The following CPQ variants were observed in gnomAD, a reference collection of about 807,000 sequenced individuals.
CPQ encodes the protein Ser-Met dipeptidase.
In CPQ, 37 loss-of-function variants were observed where a neutral mutation model predicts 45.7. The observed-to-expected ratio is 0.81, with a 90% CI of 0.62 to 1.07. CPQ has a LOEUF of 1.07. Among genes scored for constraint, CPQ ranks in the 50% least tolerant of loss-of-function variants. CPQ has a pLI of 0.00. For synonymous variants in CPQ, 186 were observed against 205.8 expected, an observed-to-expected ratio of 0.90 and a Z score of 0.82; for missense variants, 537 against 572.9, an observed-to-expected ratio of 0.94 and a Z score of 0.64.
At chr8:96,719,426 G>A (rs765806928) in intron 1 of CPQ, among the ~76,000 whole-genome samples, 15 of 152,318 alleles carry the variant, frequency 9.8e-5, no homozygotes, top group East Asian at 1.9e-4. Context: ...CAGCTGTTCC[G>A]CAAGCACCGC....
At chr8:96,914,748 C>T (rs543905736) in intron 4 of CPQ, among the ~76,000 whole-genome samples, 2 of 152,226 alleles carry the variant, frequency 1.3e-5, no homozygotes, top group Non-Finnish European at 2.9e-5. Flanking sequence ...TAATGTTCCC[C>T]ACCTCCAGCA....
intron 4 of CPQ, among the ~76,000 whole-genome samples, chr8:96,914,867 T>C (rs1812712044): frequency 6.6e-6 from 1 of 152,144 alleles, no homozygotes; most frequent in Admixed American, 6.6e-5. Context: ...AAATTGTAGG[T>C]TAGATACTGA....
intron 4 of CPQ, among the ~76,000 whole-genome samples, chr8:96,957,795 T>C (rs949071046): frequency 1.1e-4 from 16 of 149,346 alleles, no homozygotes; most frequent in Admixed American, 8.0e-4. Flanking sequence ...TGAAACTGTG[T>C]CTCAAAAAAA....
At chr8:97,083,227 G>C (rs992679268) in intron 7 of CPQ, among the ~76,000 whole-genome samples, 1 of 152,116 alleles carries the variant, frequency 6.6e-6, no homozygotes, top group African/African-American at 2.4e-5. Context: ...GTTTTCCAAG[G>C]GGGGTGAATA....
At chr8:96,672,278 A>G (rs1036154824) in intron 1 of CPQ, among the ~76,000 whole-genome samples, 1 of 152,182 alleles carries the variant, frequency 6.6e-6, no homozygotes. Flanking sequence ...TATAGTACAC[A>G]GTCAGCCTTG....
At chr8:96,809,826 G>A (rs1387559473) in intron 2 of CPQ, among the ~76,000 whole-genome samples, 1 of 151,838 alleles carries the variant, frequency 6.6e-6, no homozygotes, top group African/African-American at 2.4e-5. Flanking sequence ...GAGAAAGGAG[G>A]AACATTCTTT....
At chr8:96,660,568 T>TG (rs1267128008) in intron 1 of CPQ, among the ~76,000 whole-genome samples, 2 of 152,098 alleles carry the variant, frequency 1.3e-5, no homozygotes, top group Non-Finnish European at 2.9e-5. Flanking sequence ...AATACTGATT[T>TG]GGGGGTCTCA....
chr8:96,812,809 G>T (rs928871340), intron 2 of CPQ, among the ~76,000 whole-genome samples: 5 of 151,772 alleles, frequency 3.3e-5, no homozygotes, highest in Non-Finnish European at 5.9e-5. Flanking sequence ...GAGTCTCTCC[G>T]AAGGTTTTTC....
chr8:96,953,054 A>T (rs1471987927), intron 4 of CPQ, among the ~76,000 whole-genome samples: 1 of 152,156 alleles, frequency 6.6e-6, no homozygotes, highest in Non-Finnish European at 1.5e-5. Context: ...CATTAATTTT[A>T]TTAGTAGTAT....
At chr8:97,052,871 T>C (rs1271540451) in intron 6 of CPQ, among the ~76,000 whole-genome samples, 2 of 152,224 alleles carry the variant, frequency 1.3e-5, no homozygotes, top group Non-Finnish European at 2.9e-5. Context: ...GTTTTAGCAC[T>C]TATAATGGAT....
rs145748885 is a variant in CPQ at position 96,672,115 on chromosome 8, G to A, written c.-35+26713G>A. 4.8e-3 allele frequency among the ~76,000 whole-genome samples: 728 copies of A among 152,190 alleles called. 10 individuals are homozygous for A. The highest frequency in any genetic ancestry group is 0.017 in the African/African-American group (691 of 41,528). The stretch of plus-strand genomic sequence containing the variant: ...AAATAAACTATGAAAACAAACAGGA[G>A]GCAAAAATAAAGCTTCATGGGCTTC... On this transcript the variant is annotated intron_variant, in intron 1 of 7. Transcript: ENST00000220763.
At chr8:96,778,282 TCTA>T (rs771066992) in intron 1 of CPQ, among the ~76,000 whole-genome samples, 4 of 152,062 alleles carry the variant, frequency 2.6e-5, no homozygotes, top group Non-Finnish European at 5.9e-5. Context: ...TTAGTAATAT[TCTA>T]CTATTTATTA....
chr8:96,821,702 G>C (rs1472382206), intron 2 of CPQ, among the ~76,000 whole-genome samples: 4 of 151,794 alleles, frequency 2.6e-5, no homozygotes, highest in Non-Finnish European at 5.9e-5. Flanking sequence ...GCCAGACACT[G>C]TTCTTTCATT....
intron 1 of CPQ, among the ~76,000 whole-genome samples, chr8:96,659,936 A>G (rs1815680380): frequency 6.6e-6 from 1 of 152,230 alleles, no homozygotes; most frequent in Admixed American, 6.5e-5. Flanking sequence ...GAGTTAGATC[A>G]TAAGTTGGAT....
chr8:96,923,257 G>C (rs1355020911), intron 4 of CPQ, among the ~76,000 whole-genome samples: 1 of 152,120 alleles, frequency 6.6e-6, no homozygotes, highest in Non-Finnish European at 1.5e-5. Context: ...ATATGAAATT[G>C]AATTGTCAGT....
chr8:96,828,569 CA>C (rs1157957676), intron 2 of CPQ, among the ~76,000 whole-genome samples: 3 of 151,996 alleles, frequency 2.0e-5, no homozygotes, highest in Non-Finnish European at 4.4e-5. Flanking sequence ...ATATCCCACC[CA>C]TTGCCACACC....
intron 7 of CPQ, among the ~76,000 whole-genome samples, chr8:97,119,627 A>G (rs1218013588): frequency 2.6e-5 from 4 of 152,096 alleles, no homozygotes; most frequent in African/African-American, 9.7e-5. Flanking sequence ...CTGATGTGTT[A>G]TTATTATTCT....
At chr8:97,091,768 G>T (rs1250920871) in intron 7 of CPQ, among the ~76,000 whole-genome samples, 2 of 152,090 alleles carry the variant, frequency 1.3e-5, no homozygotes, top group African/African-American at 4.8e-5. Flanking sequence ...GAAGCAGTGG[G>T]TCAGTAGGGA....
At chr8:96,687,921 G>T (rs907843374) in intron 1 of CPQ, among the ~76,000 whole-genome samples, 1 of 151,910 alleles carries the variant, frequency 6.6e-6, no homozygotes, top group Non-Finnish European at 1.5e-5. Flanking sequence ...ATGGAAACTT[G>T]GAAAGAAGGT....
Sources: gnomAD v4.1 joint callset for allele counts (sites outside exome capture counted in the v4.1 genomes callset) on GRCh38, gnomAD v4.1.1 for gene constraint, MANE v1.5 for transcripts, NCBI Gene and HGNC (gene_info 2026-07-23, HGNC 2026-07-21) for gene names.